The following MYH16 variants were observed in gnomAD, a reference collection of about 807,000 sequenced individuals.
MYH16 encodes myosin heavy chain 16.
chr7:99,275,999 A>G (rs1164351520), intron 20 of MYH16, among the ~76,000 whole-genome samples: 1 of 152,248 alleles, frequency 6.6e-6, no homozygotes. Flanking sequence ...AAGTGCTGGG[A>G]TTACAGGCGT....
chr7:99,291,761 C>G (rs1297600295), intron 31 of MYH16, among the ~76,000 whole-genome samples: 8 of 152,088 alleles, frequency 5.3e-5, no homozygotes, highest in African/African-American at 1.9e-4. Context: ...GAGTTCGAGA[C>G]CAGTCTGGCC....
At chr7:99,268,861 T>C (rs1584346100) in intron 18 of MYH16, among the ~76,000 whole-genome samples, 1 of 152,208 alleles carries the variant, frequency 6.6e-6, no homozygotes, top group East Asian at 1.9e-4. Flanking sequence ...TTCCTCATCT[T>C]TTGCCCACAG....
At chr7:99,286,011 GA>G (rs1405429572) in intron 27 of MYH16, among the ~76,000 whole-genome samples, 1 of 152,270 alleles carries the variant, frequency 6.6e-6, no homozygotes, top group Non-Finnish European at 1.5e-5. Flanking sequence ...CCTGTGGGAT[GA>G]CAGGCAGGGC....
chr7:99,279,380 A>G (rs955152281), intron 21 of MYH16, 130 bp from the exon 4 acceptor site: 11 of 332,892 alleles, frequency 3.3e-5, no homozygotes. Flanking sequence ...AAAAAAAAAA[A>G]AGGAGCTCGA....
chr7:99,288,891 G>T (rs1352388424), intron 29 of MYH16, among the ~76,000 whole-genome samples: 1 of 151,586 alleles, frequency 6.6e-6, no homozygotes, highest in Non-Finnish European at 1.5e-5. Context: ...AAGGCAGGCA[G>T]ATCACTTGAG....
intron 17 of MYH16, among the ~76,000 whole-genome samples, chr7:99,266,123 GT>G (rs1399536091): frequency 6.6e-6 from 1 of 151,684 alleles, no homozygotes; most frequent in African/African-American, 2.4e-5. Context: ...AGCTCTTCTG[GT>G]CCAAAAAAAA....
intron 20 of MYH16, among the ~76,000 whole-genome samples, chr7:99,275,423 A>G (rs556239570): frequency 2.0e-5 from 3 of 152,026 alleles, no homozygotes; most frequent in Non-Finnish European, 2.9e-5. Context: ...CCCAGCCACA[A>G]CTTTTACTTT....
At chr7:99,247,822 A>G (rs2150806257) in intron 3 of MYH16, 1 of 153,072 alleles carries the variant, frequency 6.5e-6, no homozygotes, top group African/African-American at 2.4e-5. Flanking sequence ...GCGGCTCCAG[A>G]CGCATTAAGA....
chr7:99,253,616 A>T (rs1221393376), intron 7 of MYH16: 1 of 152,054 alleles, frequency 6.6e-6, no homozygotes, highest in Admixed American at 6.6e-5. Flanking sequence ...CGTGGGGCTC[A>T]CCACTGGTGA....
intron 2 of MYH16, among the ~76,000 whole-genome samples, chr7:99,244,007 A>C (rs948627037): frequency 6.6e-6 from 1 of 152,088 alleles, no homozygotes; most frequent in Non-Finnish European, 1.5e-5. Flanking sequence ...CCATCCAAAC[A>C]TCTATCCGTC....
chr7:99,284,038 G>C lies in MYH16; in HGVS notation n.3225+20G>C. ...GAAAAAGTATGTCTTGTCGTCGTTC[G>C]TTTTGTCCATCACAATGGTAGCAAT... On this transcript the variant is annotated intron_variant and non_coding_transcript_variant, in intron 25 of 41. Coordinates refer to ENST00000439784, the Ensembl canonical transcript of MYH16. 1 of 437,170 alleles carries C rather than the reference G, an allele frequency of 2.3e-6. No individual in the cohort carries two copies. The highest frequency in any genetic ancestry group is 1.7e-5 in the South Asian group (1 of 60,416). The allele number at this position is 437,170 out of a possible 1,614,324, so 27.1% of individuals were successfully genotyped here. A position where few individuals can be genotyped will look rare whatever the true frequency, so the allele number is the denominator to read the frequency against.
downstream of MYH16, among the ~76,000 whole-genome samples, chr7:99,310,035 A>T (rs573040683): frequency 3.2e-4 from 48 of 151,798 alleles, no homozygotes; most frequent in South Asian, 6.4e-3. Flanking sequence ...ATAAAAAAAT[A>T]AAAAAAAACT....
At chr7:99,273,472 T>C (rs746000332) in intron 20 of MYH16, 49 bp downstream of exon 2, 4 of 455,718 alleles carry the variant, frequency 8.8e-6, no homozygotes, top group African/African-American at 4.0e-5. Context: ...GCCTATGGGC[T>C]GGGGGAGGGC....
intron 37 of MYH16, among the ~76,000 whole-genome samples, chr7:99,299,915 A>C (rs1234243488): frequency 6.8e-6 from 1 of 146,038 alleles, no homozygotes; most frequent in Non-Finnish European, 1.5e-5. Context: ...GCCCGTCTAG[A>C]TTTTTATTTT....
At chr7:99,260,107 G>A in intron 11 of MYH16, 2 of 1,465,292 alleles carry the variant, frequency 1.4e-6, no homozygotes, top group East Asian at 2.4e-5. Flanking sequence ...TTCAATCCTG[G>A]GAGAGGCTCT....
chr7:99,289,748 G>C (rs1792341841), intron 30 of MYH16, among the ~76,000 whole-genome samples: 1 of 152,214 alleles, frequency 6.6e-6, no homozygotes, highest in South Asian at 2.1e-4. Context: ...ACTCCTTAAT[G>C]AGGGAGCCAG....
intron 23 of MYH16, among the ~76,000 whole-genome samples, 179 bp from the exon 6 acceptor site, chr7:99,283,386 C>G (rs888870532): frequency 1.3e-5 from 2 of 152,222 alleles, no homozygotes; most frequent in Non-Finnish European, 1.5e-5. Context: ...TGGCTCTGGT[C>G]CATCTGCTCT....
chr7:99,296,106 T>C (rs1289267267), intron 33 of MYH16, among the ~76,000 whole-genome samples: 5 of 143,864 alleles, frequency 3.5e-5, no homozygotes. Flanking sequence ...ATCATGCCAC[T>C]GCACTACAGC....
intron 22 of MYH16, among the ~76,000 whole-genome samples, chr7:99,280,353 T>A (rs146206134): frequency 0.011 from 1,657 of 152,386 alleles, 154 homozygotes; most frequent in Admixed American, 0.1. Context: ...CTAAGGGGAC[T>A]GAGCTGTTCC....
Sources: allele counts gnomAD v4.1 joint callset (sites outside exome capture counted in the v4.1 genomes callset), GRCh38; gene constraint gnomAD v4.1.1; transcripts MANE v1.5; gene names NCBI Gene and HGNC (gene_info 2026-07-23, HGNC 2026-07-21).